Variants in SDK1 observed in about 807,000 individuals in gnomAD.
The protein encoded by SDK1 is protein sidekick-1.
Under a neutral mutation model 245.5 loss-of-function variants are expected in SDK1, and 157 were observed. The ratio of observed to expected loss-of-function variants is 0.64; its 90% CI spans 0.56 to 0.73. SDK1 has a LOEUF of 0.73. Ranked by LOEUF, SDK1 falls within the 30% of genes least tolerant of loss-of-function variation. SDK1 has a pLI of 0.00. For synonymous variants in SDK1, 1,647 were observed against 1,278.5 expected (o/e 1.29, Z -6.15); for missense variants, 3,583 against 3,002.3 (o/e 1.19, Z -4.52).
chr7:3,825,349 C>T (rs957205237), intron 5 of SDK1, among the ~76,000 whole-genome samples: 2 of 146,060 alleles, frequency 1.4e-5, no homozygotes, highest in Non-Finnish European at 3.0e-5. Flanking sequence ...AAGCCACAGG[C>T]GATGAGACGA....
intron 1 of SDK1, 135 bp from the exon 2 acceptor site, chr7:3,618,945 C>A: frequency 1.5e-6 from 1 of 675,002 alleles, no homozygotes; most frequent in South Asian, 2.5e-5. Context: ...GGATTATTTA[C>A]TTCTTAATTG....
At chr7:4,108,910 A>G (rs1467447547) in intron 22 of SDK1, among the ~76,000 whole-genome samples, 3 of 152,132 alleles carry the variant, frequency 2.0e-5, no homozygotes, top group African/African-American at 7.2e-5. Context: ...CATTTCGTAA[A>G]CTGGAATCGT....
At position 3,922,249 on chromosome 7, in the gene SDK1, C is replaced by T. The variant is rs538794356; in HGVS notation, c.848-28674C>T. The stretch of plus-strand genomic sequence containing the variant: ...GTTCTGGCCAGCTAAGCTCGGGCAG[C>T]CATGGATCTGGGGGCTGGGAGCAGG... On this transcript the variant is annotated intron_variant, in intron 5 of 44. Coordinates refer to ENST00000404826, the MANE Select transcript of SDK1 (RefSeq NM_152744.4). 2.6e-5 allele frequency among the ~76,000 whole-genome samples: 4 copies of T among 152,278 alleles called. No individual in the cohort carries two copies. In the South Asian group the frequency reaches 8.3e-4, roughly 32 times the overall value.
chr7:3,803,293 T>C (rs891628452), intron 4 of SDK1, among the ~76,000 whole-genome samples: 4 of 148,660 alleles, frequency 2.7e-5, no homozygotes. Flanking sequence ...TCTTTTCTTT[T>C]CTTTTCTTTC....
intron 1 of SDK1, among the ~76,000 whole-genome samples, chr7:3,400,255 G>A (rs1012533474): frequency 6.6e-6 from 1 of 152,160 alleles, no homozygotes; most frequent in Admixed American, 6.5e-5. Flanking sequence ...TTCTAGCCAA[G>A]ATTCAGCAGC....
intron 5 of SDK1, among the ~76,000 whole-genome samples, chr7:3,948,251 CTTTTTTTTTTTTT>C: frequency 1.3e-5 from 1 of 79,652 alleles, no homozygotes; most frequent in East Asian, 4.1e-4. Context: ...ATCACCATTG[CTTTTTTTTTTTTT>C]TTTTTTTTTT....
In SDK1 at chr7:3,962,799, C is replaced by T. The variant is rs539653691; in HGVS notation, c.1377C>T (p.Phe459=). ...AGGACTCCGGAATCTTCCAGTGCTT[C>T]GCCAGCAATGAAGGAGGGGAGATCC... is the stretch of plus-strand genomic sequence containing the variant. ...RPEDSGIFQC[F]ASNEGGEIQT... The change falls in exon 9 of 45, where the codon TTC becomes TTT. Residue 459 remains phenylalanine (F), a synonymous_variant. Transcript: ENST00000404826. 49 of 1,613,596 alleles carry T rather than the reference C, an allele frequency of 3.0e-5. No individual in the cohort carries two copies. Among genetic ancestry groups the T allele is most frequent in the Admixed American group, 2.7e-4 (16 of 59,986 alleles).
intron 1 of SDK1, among the ~76,000 whole-genome samples, chr7:3,344,167 C>T (rs184003696): frequency 6.6e-6 from 1 of 152,226 alleles, no homozygotes; most frequent in Admixed American, 6.5e-5. Flanking sequence ...AATTAAATGT[C>T]TTCAGGATTA....
chr7:3,851,563 A>C (rs192853026), intron 5 of SDK1, among the ~76,000 whole-genome samples: 151 of 151,208 alleles, frequency 1.0e-3, no homozygotes, highest in African/African-American at 3.4e-3. Context: ...GATCAGTAAT[A>C]TCTTGGATGA....
intron 4 of SDK1, among the ~76,000 whole-genome samples, chr7:3,815,598 G>T (rs1464220029): frequency 6.8e-6 from 1 of 148,076 alleles, no homozygotes; most frequent in East Asian, 2.0e-4. Flanking sequence ...GTCTCTGCCC[G>T]GCTTTGGTAT....
rs184682097 is a variant in SDK1, at chr7:3,600,105, C to T, written c.299-18975C>T. Among the ~76,000 whole-genome samples the T allele has an allele frequency of 5.6e-4, 85 of 152,146 alleles. 3 individuals are homozygous for T. The South Asian group carries it at 0.015, about 27-fold the overall frequency. On this transcript the variant is annotated intron_variant, in intron 1 of 44. Transcript: ENST00000404826. ...AATTCAGTCTTTTTGATTTCTGTTACCAGCATTTTATAATTTTCAGCATAC... is the reference window on the plus strand; with the variant it reads ...AATTCAGTCTTTTTGATTTCTGTTATCAGCATTTTATAATTTTCAGCATAC...
chr7:3,639,203 G>C, intron 3 of SDK1, 93 bp downstream of exon 3: 2 of 629,974 alleles, frequency 3.2e-6, no homozygotes, highest in Non-Finnish European at 5.4e-6. Flanking sequence ...TAGGAACTGA[G>C]AGTTTATCTT....
chr7:3,741,056 T>G (rs1432122219), intron 4 of SDK1, among the ~76,000 whole-genome samples: 3 of 152,204 alleles, frequency 2.0e-5, no homozygotes, highest in African/African-American at 4.8e-5. Context: ...CCTCATGGAA[T>G]GTGGTGTCTG....
At chr7:3,804,881 G>T (rs578046066) in intron 4 of SDK1, among the ~76,000 whole-genome samples, 2 of 152,314 alleles carry the variant, frequency 1.3e-5, no homozygotes, top group East Asian at 1.9e-4. Flanking sequence ...ACAATTGGGG[G>T]TGGAAGGATT....
intron 4 of SDK1, among the ~76,000 whole-genome samples, chr7:3,667,576 A>C (rs1009685586): frequency 6.6e-6 from 1 of 152,242 alleles, no homozygotes; most frequent in Non-Finnish European, 1.5e-5. Flanking sequence ...TCACCGCCCA[A>C]ATTCTCCCAC....
At chr7:3,694,555 G>A (rs752312617) in intron 4 of SDK1, among the ~76,000 whole-genome samples, 1 of 133,322 alleles carries the variant, frequency 7.5e-6, no homozygotes, top group Non-Finnish European at 1.6e-5. Context: ...ACATTGGTCT[G>A]GAAAGAATGT....
intron 1 of SDK1, among the ~76,000 whole-genome samples, chr7:3,534,542 ACTTGT>A (rs1001488770): frequency 3.2e-4 from 49 of 151,858 alleles, no homozygotes; most frequent in South Asian, 2.1e-4. Flanking sequence ...CCTCCCCAGC[ACTTGT>A]CTTTTTTTTT....
At chr7:3,853,718 C>T (rs1780473429) in intron 5 of SDK1, among the ~76,000 whole-genome samples, 1 of 152,098 alleles carries the variant, frequency 6.6e-6, no homozygotes, top group African/African-American at 2.4e-5. Context: ...TGGTCTGGCA[C>T]AGTGGCTCAG....
intron 1 of SDK1, among the ~76,000 whole-genome samples, chr7:3,578,249 T>A (rs1052471839): frequency 3.3e-5 from 5 of 151,924 alleles, no homozygotes; most frequent in African/African-American, 1.2e-4. Context: ...CCAGCAAGTT[T>A]TATTAAGGAT....
Sources: allele counts gnomAD v4.1 joint callset (sites outside exome capture counted in the v4.1 genomes callset), GRCh38; gene constraint gnomAD v4.1.1; transcripts MANE v1.5; gene names NCBI Gene and HGNC (gene_info 2026-07-23, HGNC 2026-07-21).